Variants in ANP32A observed in about 807,000 individuals in gnomAD.
ANP32A encodes acidic nuclear phosphoprotein 32 family member A.
Under a neutral mutation model 33.9 loss-of-function variants are expected in ANP32A, and 1 was observed. That is an observed-to-expected ratio of 0.03 (90% CI 0.01 to 0.14). The LOEUF (loss-of-function observed/expected upper bound fraction) is 0.14. Among genes scored for constraint, ANP32A ranks in the 10% least tolerant of loss-of-function variants. The pLI is 1.00. For missense variants in ANP32A, 155 were observed against 306.0 expected (o/e 0.51, Z 3.68); for synonymous variants, 115 against 120.5 (o/e 0.95, Z 0.30).
chr15:68,811,358 G>A (rs1894309719), intron 1 of ANP32A, among the ~76,000 whole-genome samples: 1 of 152,174 alleles, frequency 6.6e-6, no homozygotes, highest in Admixed American at 6.5e-5. Context: ...GTGGCTAGGT[G>A]CCCAGGAGGA....
At chr15:68,807,626 G>A (rs1010446867) in intron 1 of ANP32A, among the ~76,000 whole-genome samples, 4 of 151,914 alleles carry the variant, frequency 2.6e-5, no homozygotes, top group Non-Finnish European at 4.4e-5. Context: ...AAGCCCTGAC[G>A]GGTAGAATCT....
intron 1 of ANP32A, among the ~76,000 whole-genome samples, chr15:68,816,529 AC>A (rs1894384297): frequency 6.6e-6 from 1 of 152,200 alleles, no homozygotes; most frequent in African/African-American, 2.4e-5. Flanking sequence ...ATTATCCTAA[AC>A]CATGGAGGAG....
intron 1 of ANP32A, among the ~76,000 whole-genome samples, chr15:68,796,874 C>A (rs1227778352): frequency 6.6e-6 from 1 of 152,140 alleles, no homozygotes; most frequent in Non-Finnish European, 1.5e-5. Context: ...TCAAAATTCT[C>A]TCGGTACATA....
intron 1 of ANP32A, among the ~76,000 whole-genome samples, chr15:68,815,812 C>T (rs1281985436): frequency 6.6e-6 from 1 of 152,194 alleles, no homozygotes; most frequent in Non-Finnish European, 1.5e-5. Flanking sequence ...ATCCTCACAA[C>T]AGGGGTGGCA....
At chr15:68,794,460 G>A (rs1047488199) in intron 1 of ANP32A, among the ~76,000 whole-genome samples, 1 of 152,176 alleles carries the variant, frequency 6.6e-6, no homozygotes, top group African/African-American at 2.4e-5. Flanking sequence ...TTTCAACCTT[G>A]TCAGTCCCTG....
At chr15:68,794,042 T>A (rs1279801659) in intron 1 of ANP32A, among the ~76,000 whole-genome samples, 1 of 152,230 alleles carries the variant, frequency 6.6e-6, no homozygotes, top group Non-Finnish European at 1.5e-5. Flanking sequence ...ATTTTTCTTC[T>A]TTTTAGCCCA....
intron 1 of ANP32A, chr15:68,818,279 C>A: frequency 3.7e-6 from 1 of 267,948 alleles, no homozygotes; most frequent in Non-Finnish European, 7.9e-6. Flanking sequence ...CGCGGCATGG[C>A]CACCAGCTCC....
Position 68,801,219 on chromosome 15 carries a change from G to GAA in ANP32A, c.55-13302_55-13301dup, listed in dbSNP as rs745414575. ...CTCTGCCTTAAAGGAAGAAGAAGAA[G>GAA]AAAAAAAAAAAAAAAAGCAAAGGAA... is the stretch of plus-strand genomic sequence containing the variant. On this transcript the variant is annotated intron_variant, in intron 1 of 6. Transcript: ENST00000465139. 5.4e-3 allele frequency among the ~76,000 whole-genome samples: 599 copies of GAA among 111,098 alleles called. 2 individuals carry two copies. The highest frequency in any genetic ancestry group is 0.015 in the African/African-American group (440 of 29,172). The allele number at this position is 111,098 out of a possible 152,430, so 72.9% of individuals were successfully genotyped here.
At chr15:68,793,406 C>G (rs1202173712) in intron 1 of ANP32A, among the ~76,000 whole-genome samples, 1 of 152,216 alleles carries the variant, frequency 6.6e-6, no homozygotes, top group Non-Finnish European at 1.5e-5. Flanking sequence ...TGCACACTCC[C>G]CCTGACCTGA....
chr15:68,784,329 A>C, intron 4 of ANP32A, 68 bp downstream of exon 4: 9 of 1,509,020 alleles, frequency 6.0e-6, no homozygotes, highest in Admixed American at 1.9e-5. Flanking sequence ...CCACCTCTGC[A>C]AAGCCAAGGA....
intron 1 of ANP32A, chr15:68,792,211 T>G (rs929424108): frequency 3.9e-5 from 6 of 152,100 alleles, no homozygotes; most frequent in Non-Finnish European, 8.8e-5. Context: ...AACTGAAAAT[T>G]TGTACTTTTG....
chr15:68,810,565 C>A (rs900910900), intron 1 of ANP32A, among the ~76,000 whole-genome samples: 1 of 152,144 alleles, frequency 6.6e-6, no homozygotes, highest in East Asian at 1.9e-4. Context: ...GAGAGCAGCA[C>A]GCAGTACCTG....
intron 1 of ANP32A, among the ~76,000 whole-genome samples, chr15:68,811,485 G>A (rs896099761): frequency 3.3e-5 from 5 of 152,152 alleles, no homozygotes; most frequent in Admixed American, 1.3e-4. Context: ...TTTCTGTGAA[G>A]AGGACGTCCT....
At chr15:68,784,137 T>C (rs1893903747) in intron 4 of ANP32A, 2 of 551,308 alleles carry the variant, frequency 3.6e-6, no homozygotes, top group South Asian at 2.2e-5. Context: ...TCTCAGGATA[T>C]TTCCATGAGC....
intron 4 of ANP32A, among the ~76,000 whole-genome samples, chr15:68,783,958 A>G (rs897874088): frequency 2.0e-5 from 3 of 151,430 alleles, no homozygotes; most frequent in African/African-American, 7.3e-5. Flanking sequence ...CAGGCCACAC[A>G]CTCTTCTCTC....
chr15:68,788,724 T>G (rs764748336), intron 1 of ANP32A, among the ~76,000 whole-genome samples: 5 of 152,128 alleles, frequency 3.3e-5, no homozygotes, highest in Non-Finnish European at 5.9e-5. Context: ...AGCATAGACG[T>G]GGAAGGAGAA....
At chr15:68,783,299 G>A (rs908302874) in intron 4 of ANP32A, among the ~76,000 whole-genome samples, 19 of 152,086 alleles carry the variant, frequency 1.2e-4, no homozygotes, top group Admixed American at 1.0e-3. Flanking sequence ...CCCTTCTGGA[G>A]GCCTCTCACA....
At chr15:68,818,962 TC>T (rs1894431788) in intron 1 of ANP32A, among the ~76,000 whole-genome samples, 1 of 150,712 alleles carries the variant, frequency 6.6e-6, no homozygotes, top group Non-Finnish European at 1.5e-5. Flanking sequence ...CCCCCTCCTC[TC>T]CCGCGGCCGC....
chr15:68,807,428 G>GGGC (rs1555424024), intron 1 of ANP32A, among the ~76,000 whole-genome samples: 1 of 17,688 alleles, frequency 5.7e-5, no homozygotes, highest in Non-Finnish European at 2.7e-3. Context: ...CACAGAAAAC[G>GGGC]GGGGGGGGGG....
Sources: allele counts gnomAD v4.1 joint callset (sites outside exome capture counted in the v4.1 genomes callset), GRCh38; gene constraint gnomAD v4.1.1; transcripts MANE v1.5; gene names NCBI Gene and HGNC (gene_info 2026-07-23, HGNC 2026-07-21).